The following SPATA21 variants were observed in gnomAD, a reference collection of about 807,000 sequenced individuals.
The protein encoded by SPATA21 is spermatogenesis associated 21, also known as spermatogenesis-associated protein 21.
SPATA21 carries 47 observed loss-of-function variants against 54.8 expected under a neutral mutation model. That is an observed-to-expected ratio of 0.86 (90% CI 0.68 to 1.09). The LOEUF (loss-of-function observed/expected upper bound fraction) is 1.09. SPATA21 is among the 50% of genes least tolerant of loss of function. The pLI, the probability that SPATA21 is intolerant of heterozygous loss-of-function variation, is 0.00. For synonymous variants in SPATA21, 245 were observed against 235.3 expected, an observed-to-expected ratio of 1.04 and a Z score of -0.38; for missense variants, 599 against 596.4, an observed-to-expected ratio of 1.00 and a Z score of -0.05.
At chr1:16,423,432 AAGT>A (rs1209500070) in intron 3 of SPATA21, among the ~76,000 whole-genome samples, 1 of 149,866 alleles carries the variant, frequency 6.7e-6, no homozygotes, top group Admixed American at 6.6e-5. Context: ...AAAAAAAAAA[AAGT>A]GGTATATTAT....
chr1:16,403,575 A>G, intron 10 of SPATA21, 152 bp downstream of exon 10: 1 of 644,166 alleles, frequency 1.6e-6, no homozygotes, highest in East Asian at 3.3e-5. Flanking sequence ...TGCAACCTCC[A>G]CCTCCTGGGT....
At chr1:16,414,724 G>A (rs1339992454) in intron 5 of SPATA21, among the ~76,000 whole-genome samples, 3 of 151,510 alleles carry the variant, frequency 2.0e-5, no homozygotes, top group Non-Finnish European at 2.9e-5. Context: ...GAGAAGCCCC[G>A]TCTCTGCTAA....
At chr1:16,407,851 G>A (rs1034259955) in intron 7 of SPATA21, among the ~76,000 whole-genome samples, 2 of 152,152 alleles carry the variant, frequency 1.3e-5, no homozygotes, top group Admixed American at 6.5e-5. Context: ...CCATAACCTC[G>A]AACTCCTGAG....
intron 3 of SPATA21, among the ~76,000 whole-genome samples, chr1:16,430,263 AC>A (rs1203168933): frequency 6.6e-6 from 1 of 151,990 alleles, no homozygotes; most frequent in African/African-American, 2.4e-5. Context: ...CCTTGTCTCT[AC>A]AAAAAATTAA....
chr1:16,405,745 T>C (rs146157580), intron 7 of SPATA21, among the ~76,000 whole-genome samples: 1 of 152,252 alleles, frequency 6.6e-6, no homozygotes, highest in African/African-American at 2.4e-5. Context: ...TCGGTGCTGC[T>C]CTGGGACGTT....
chr1:16,432,987 T>A (rs2086497378), intron 1 of SPATA21, 63 bp from the exon 2 acceptor site: 1 of 152,354 alleles, frequency 6.6e-6, no homozygotes, highest in East Asian at 1.9e-4. Flanking sequence ...ACATGGCCAG[T>A]CTGCAGAGGA....
chr1:16,403,866 T>C, intron 9 of SPATA21, 22 bp from the exon 10 acceptor site: 1 of 1,609,648 alleles, frequency 6.2e-7, no homozygotes, highest in Non-Finnish European at 8.5e-7. Flanking sequence ...GGATAGTGGC[T>C]GCCGTTACCA....
At chr1:16,424,979 C>T (rs570488043) in intron 3 of SPATA21, 10 of 314,728 alleles carry the variant, frequency 3.2e-5, no homozygotes, top group African/African-American at 1.3e-4. Flanking sequence ...AGTGCAATGG[C>T]GCGATCTCAG....
At chr1:16,417,226 G>A (rs913143795) in intron 5 of SPATA21, among the ~76,000 whole-genome samples, 1 of 151,930 alleles carries the variant, frequency 6.6e-6, no homozygotes, top group East Asian at 1.9e-4. Flanking sequence ...AACTTTCCTT[G>A]TGATGGGTCT....
intron 12 of SPATA21, 133 bp downstream of exon 12, chr1:16,399,211 T>G: frequency 9.3e-7 from 1 of 1,075,328 alleles, no homozygotes; most frequent in Non-Finnish European, 1.3e-6. Flanking sequence ...CCTTTTACCC[T>G]TTCTCCTCCC....
At position 16,425,742 on chromosome 1, in the gene SPATA21, T is replaced by C. The variant is rs1017578426; in HGVS notation, c.35-3771A>G. Reference sequence around the variant, plus strand: ...GAGGGCTGTTTCTTCCTGGGGAAAATAGACAAAGTGACACTTTAGCTCCCA... The same window carrying C: ...GAGGGCTGTTTCTTCCTGGGGAAAACAGACAAAGTGACACTTTAGCTCCCA... On this transcript the variant is annotated intron_variant, in intron 3 of 12. Transcript: ENST00000335496. The C allele has an allele frequency of 3.9e-6, 6 of 1,545,288 alleles. No individual in the cohort carries two copies. In the African/African-American group the frequency reaches 8.2e-5, roughly 21 times the overall value.
rs190710966 is a variant in SPATA21 at position 16,425,877 on chromosome 1, C to T, written c.35-3906G>A. 5.4e-5 allele frequency: 36 copies of T among 665,902 alleles called. 1 individual carries two copies. The highest frequency in any genetic ancestry group is 7.5e-5 in the Non-Finnish European group (30 of 402,376). The allele number at this position is 665,902 out of a possible 1,614,324, so 41.2% of individuals were successfully genotyped here. A position where few individuals can be genotyped will look rare whatever the true frequency, so the allele number is the denominator to read the frequency against. On this transcript the variant is annotated intron_variant, in intron 3 of 12. Coordinates refer to ENST00000335496, the MANE Select transcript of SPATA21 (RefSeq NM_198546.1). The stretch of plus-strand genomic sequence containing the variant: ...TCACAGGAATTCCCCAAATCATAGA[C>T]ACTTTGATGTCAATGTTTGGGGGAG...
At chr1:16,418,868 C>T (rs761145815) in intron 5 of SPATA21, among the ~76,000 whole-genome samples, 4 of 152,176 alleles carry the variant, frequency 2.6e-5, no homozygotes, top group Non-Finnish European at 5.9e-5. Flanking sequence ...TCTGACTTCT[C>T]ACTAGTCTGG....
At chr1:16,430,411 T>C (rs145670575) in intron 3 of SPATA21, among the ~76,000 whole-genome samples, 324 of 152,176 alleles carry the variant, frequency 2.1e-3, no homozygotes, top group African/African-American at 7.3e-3. Context: ...CCAGTCTGGG[T>C]GAGAGAGTGA....
intron 10 of SPATA21, among the ~76,000 whole-genome samples, 154 bp from the exon 11 acceptor site, chr1:16,401,046 C>CCA (rs1472557767): frequency 3.3e-5 from 5 of 152,212 alleles, no homozygotes; most frequent in Admixed American, 3.3e-4. Flanking sequence ...CTTTCTGTGA[C>CCA]CATGAGCAAG....
chr1:16,433,651 C>T (rs1289488287), intron 1 of SPATA21, among the ~76,000 whole-genome samples: 1 of 152,192 alleles, frequency 6.6e-6, no homozygotes, highest in Non-Finnish European at 1.5e-5. Flanking sequence ...TTTACGGAGG[C>T]AGAAGCCCCA....
intron 1 of SPATA21, among the ~76,000 whole-genome samples, chr1:16,433,285 C>G (rs985550830): frequency 1.3e-5 from 2 of 152,246 alleles, no homozygotes; most frequent in Non-Finnish European, 2.9e-5. Flanking sequence ...TACAGCTGCA[C>G]CCCTGCCATG....
chr1:16,427,730 A>G, intron 3 of SPATA21: 2 of 948,648 alleles, frequency 2.1e-6, no homozygotes, highest in Non-Finnish European at 1.5e-6. Context: ...TGGTGCAATG[A>G]AAGAGAAGGA....
chr1:16,410,815 GGAT>G, intron 5 of SPATA21: 1 of 404,808 alleles, frequency 2.5e-6, no homozygotes, highest in Admixed American at 2.7e-5. Context: ...CAAAGTGCTG[GGAT>G]GACAAGCGTG....
Sources: gnomAD v4.1 joint callset for allele counts (sites outside exome capture counted in the v4.1 genomes callset) on GRCh38, gnomAD v4.1.1 for gene constraint, MANE v1.5 for transcripts, NCBI Gene and HGNC (gene_info 2026-07-23, HGNC 2026-07-21) for gene names.